Variants in CCDC148 observed in about 807,000 individuals in gnomAD.
CCDC148 encodes the protein coiled-coil domain-containing protein 148.
In CCDC148, 89 loss-of-function variants were observed where a neutral mutation model predicts 85.7. The ratio of observed to expected loss-of-function variants is 1.04; its 90% confidence interval spans 0.87 to 1.24. The LOEUF is 1.24. CCDC148 is among the 50% of genes most tolerant of loss of function. The probability of loss-of-function intolerance (pLI) is 0.00; values close to 1 mark genes in which losing one functional copy is unlikely to be tolerated. For synonymous variants in CCDC148, 230 were observed against 213.9 expected (o/e 1.08, Z -0.66); for missense variants, 692 against 671.7 (o/e 1.03, Z -0.33).
At chr2:158,310,067 TGC>T (rs1691902906) in intron 8 of CCDC148, among the ~76,000 whole-genome samples, 1 of 152,212 alleles carries the variant, frequency 6.6e-6, no homozygotes, top group Non-Finnish European at 1.5e-5. Context: ...CAGAGGACCC[TGC>T]AGCCTTCCAC....
At chr2:158,378,362 G>C (rs1450312522) in intron 1 of CCDC148, among the ~76,000 whole-genome samples, 1 of 152,092 alleles carries the variant, frequency 6.6e-6, no homozygotes, top group Non-Finnish European at 1.5e-5. Context: ...GTTTGAAGCT[G>C]GCAGAAGTTG....
intron 11 of CCDC148, among the ~76,000 whole-genome samples, chr2:158,185,645 A>T (rs1685118665): frequency 6.6e-6 from 1 of 152,116 alleles, no homozygotes; most frequent in African/African-American, 2.4e-5. Context: ...GTGAAGAGAG[A>T]GACACTGGAA....
intron 1 of CCDC148, among the ~76,000 whole-genome samples, chr2:158,367,516 C>T (rs529430271): frequency 4.5e-4 from 69 of 152,250 alleles, no homozygotes; most frequent in African/African-American, 1.6e-3. Flanking sequence ...TTTGCAGATT[C>T]CCTTTTGGCT....
chr2:158,333,320 G>A (rs375452169), intron 7 of CCDC148, among the ~76,000 whole-genome samples: 1 of 152,184 alleles, frequency 6.6e-6, no homozygotes, highest in African/African-American at 2.4e-5. Flanking sequence ...TTTCCATGTA[G>A]TTGTGCGGTT....
intron 11 of CCDC148, among the ~76,000 whole-genome samples, chr2:158,200,755 G>A (rs1685915207): frequency 6.6e-6 from 1 of 152,060 alleles, no homozygotes; most frequent in Non-Finnish European, 1.5e-5. Flanking sequence ...CCATTGTAAA[G>A]GCATATTTTT....
intron 1 of CCDC148, among the ~76,000 whole-genome samples, chr2:158,390,343 G>A (rs992501471): frequency 6.6e-6 from 1 of 152,064 alleles, no homozygotes; most frequent in Non-Finnish European, 1.5e-5. Flanking sequence ...AGGCCAAATA[G>A]GCCAGGAAGA....
chr2:158,358,640 G>A, intron 1 of CCDC148, 70 bp from the exon 2 acceptor site: 2 of 1,060,120 alleles, frequency 1.9e-6, no homozygotes, highest in South Asian at 1.8e-5. Flanking sequence ...AATATAATTA[G>A]GGCAACATGT....
At chr2:158,312,179 T>G (rs1692051620) in intron 8 of CCDC148, among the ~76,000 whole-genome samples, 1 of 152,218 alleles carries the variant, frequency 6.6e-6, no homozygotes, top group Non-Finnish European at 1.5e-5. Context: ...TAAAACCACT[T>G]ACTTGGTCTC....
At chr2:158,267,526 C>T (rs1473815585) in intron 9 of CCDC148, among the ~76,000 whole-genome samples, 1 of 152,172 alleles carries the variant, frequency 6.6e-6, no homozygotes, top group African/African-American at 2.4e-5. Context: ...TGTTGTTATT[C>T]AGTGTTTTAC....
chr2:158,278,175 T>A (rs1034327014), intron 9 of CCDC148, among the ~76,000 whole-genome samples: 7 of 152,048 alleles, frequency 4.6e-5, no homozygotes, highest in African/African-American at 1.7e-4. Flanking sequence ...ACAGCTCCAG[T>A]CTACAGCTCC....
chr2:158,202,522 C>T (rs1686020208), intron 11 of CCDC148, among the ~76,000 whole-genome samples: 1 of 152,190 alleles, frequency 6.6e-6, no homozygotes, highest in Non-Finnish European at 1.5e-5. Flanking sequence ...CTTCCACCAT[C>T]CTGCTAGACC....
At chr2:158,441,179 A>G (rs1687915880) in intron 1 of CCDC148, among the ~76,000 whole-genome samples, 1 of 152,202 alleles carries the variant, frequency 6.6e-6, no homozygotes, top group African/African-American at 2.4e-5. Flanking sequence ...AATCTGCACT[A>G]CTATTATAAT....
intron 1 of CCDC148, among the ~76,000 whole-genome samples, chr2:158,397,695 T>TCC: frequency 6.6e-6 from 1 of 152,080 alleles, no homozygotes; most frequent in Admixed American, 6.6e-5. Context: ...GTAAAGACCA[T>TCC]AGACACTATG....
At chr2:158,317,535 C>T (rs905264543) in intron 7 of CCDC148, among the ~76,000 whole-genome samples, 3 of 152,202 alleles carry the variant, frequency 2.0e-5, no homozygotes, top group Non-Finnish European at 4.4e-5. Flanking sequence ...AAAATTCACC[C>T]TGACCCAAGC....
intron 2 of CCDC148, among the ~76,000 whole-genome samples, chr2:158,351,483 G>C (rs1467505868): frequency 9.5e-6 from 1 of 105,462 alleles, no homozygotes; most frequent in Non-Finnish European, 2.1e-5. Context: ...CTGGAAAATC[G>C]GGTCACTCCC....
intron 7 of CCDC148, among the ~76,000 whole-genome samples, chr2:158,325,253 A>T (rs537096431): frequency 6.6e-6 from 1 of 152,256 alleles, no homozygotes; most frequent in East Asian, 1.9e-4. Context: ...TCTTCAATGA[A>T]GATTGAACCT....
intron 10 of CCDC148, among the ~76,000 whole-genome samples, chr2:158,245,638 T>C (rs762765346): frequency 5.3e-5 from 8 of 152,178 alleles, no homozygotes; most frequent in Non-Finnish European, 1.2e-4. Context: ...CTAGGCATCA[T>C]GCAGCAACAA....
chr2:158,234,357 A>G (rs926736496), intron 10 of CCDC148, among the ~76,000 whole-genome samples: 9 of 152,214 alleles, frequency 5.9e-5, no homozygotes, highest in Admixed American at 5.9e-4. Flanking sequence ...GTCTGCAATT[A>G]AAACTGTTTG....
chr2:158,225,258 T>C (rs1464011156), intron 10 of CCDC148, among the ~76,000 whole-genome samples: 1 of 152,152 alleles, frequency 6.6e-6, no homozygotes, highest in African/African-American at 2.4e-5. Context: ...GAGCTAACTA[T>C]CCTAAATATA....
Sources: allele counts gnomAD v4.1 joint callset (sites outside exome capture counted in the v4.1 genomes callset), GRCh38; gene constraint gnomAD v4.1.1; transcripts MANE v1.5; gene names NCBI Gene and HGNC (gene_info 2026-07-23, HGNC 2026-07-21).